Variants in L3MBTL4 observed in about 807,000 individuals in gnomAD.
L3MBTL4 encodes the protein lethal(3)malignant brain tumor-like protein 4.
A neutral mutation model predicts 84.5 loss-of-function variants in L3MBTL4; 70 were observed. The observed-to-expected ratio is 0.83, with a 90% CI of 0.68 to 1.01. The LOEUF is 1.01. L3MBTL4 is among the 50% of genes least tolerant of loss of function. L3MBTL4 has a pLI of 0.00. For synonymous variants in L3MBTL4, 274 were observed against 259.8 expected (o/e 1.05, Z -0.52); for missense variants, 715 against 754.8 (o/e 0.95, Z 0.62).
At chr18:6,105,267 G>A (rs1187594883) in intron 14 of L3MBTL4, among the ~76,000 whole-genome samples, 6 of 143,174 alleles carry the variant, frequency 4.2e-5, no homozygotes, top group African/African-American at 7.8e-5. Context: ...CTCAGCTCAC[G>A]GCAACCTCCG....
At chr18:6,312,728 G>A (rs74494109) in intron 1 of L3MBTL4, among the ~76,000 whole-genome samples, 188 of 152,132 alleles carry the variant, frequency 1.2e-3, no homozygotes, top group African/African-American at 4.1e-3. Context: ...ATATCACACC[G>A]TACATATTGT....
At chr18:6,242,601 G>C (rs2047497420) in intron 7 of L3MBTL4, among the ~76,000 whole-genome samples, 1 of 152,150 alleles carries the variant, frequency 6.6e-6, no homozygotes, top group South Asian at 2.1e-4. Context: ...ACCCTGAGTG[G>C]ATAACTAGGA....
intron 4 of L3MBTL4, among the ~76,000 whole-genome samples, chr18:6,279,025 G>A (rs2049209752): frequency 6.6e-6 from 1 of 152,096 alleles, no homozygotes; most frequent in Non-Finnish European, 1.5e-5. Context: ...TTGGGGGCAG[G>A]GGCGGTGATT....
At chr18:5,974,045 G>A (rs1049859674) in intron 16 of L3MBTL4, among the ~76,000 whole-genome samples, 3 of 152,182 alleles carry the variant, frequency 2.0e-5, no homozygotes, top group Non-Finnish European at 2.9e-5. Context: ...ATGTCCTTAC[G>A]TGTAGGATGC....
rs1328393109 is a variant in L3MBTL4, at chr18:6,213,203, G to A, written c.927C>T (p.Asn309=). ...TCGTAGCAACACGAATTAACCTGGGGTTCCGTTTATCCACAACTTCAAGTT... is the reference window on the plus strand; with the variant it reads ...TCGTAGCAACACGAATTAACCTGGGATTCCGTTTATCCACAACTTCAAGTT... ...NMKLEVVDKR[N]PRLIRVATIV... is the part of the protein sequence containing the mutation. The change falls in exon 12 of 19, where the codon AAC becomes AAT. Residue 309 remains asparagine (N), a synonymous_variant. Coordinates refer to ENST00000317931, the MANE Select transcript of L3MBTL4 (RefSeq NM_001330559.2). 1.2e-6 allele frequency: 2 copies of A among 1,611,520 alleles called. No individual in the cohort carries two copies. The highest frequency in any genetic ancestry group is 1.7e-4 in the Middle Eastern group (1 of 6,048).
intron 3 of L3MBTL4, among the ~76,000 whole-genome samples, chr18:6,303,483 T>G (rs2146852938): frequency 6.6e-6 from 1 of 152,362 alleles, no homozygotes; most frequent in Admixed American, 6.5e-5. Context: ...TGTGAAAATT[T>G]AGCAGCTGAT....
rs540845016 is a variant in L3MBTL4, at chr18:6,053,338, G to C, written c.1444+27543C>G. Among the ~76,000 whole-genome samples, 3 of 152,316 alleles carry C rather than the reference G, an allele frequency of 2.0e-5. No individual in the cohort carries two copies. The South Asian group carries it at 6.2e-4, about 32-fold the overall frequency. ...TTAGACTAAGAGGATGCGAAAATAAGTGAAGATTTCCTGCTTATAAGAATG... is the reference window on the plus strand; with the variant it reads ...TTAGACTAAGAGGATGCGAAAATAACTGAAGATTTCCTGCTTATAAGAATG... On this transcript the variant is annotated intron_variant, in intron 16 of 18. Coordinates refer to ENST00000317931, the MANE Select transcript of L3MBTL4 (RefSeq NM_001330559.2).
At chr18:6,184,449 CCAAA>C (rs761761563) in intron 12 of L3MBTL4, among the ~76,000 whole-genome samples, 2 of 152,122 alleles carry the variant, frequency 1.3e-5, no homozygotes, top group Admixed American at 6.5e-5. Context: ...ATAAACACTA[CCAAA>C]CAAATACGTC....
intron 17 of L3MBTL4, 98 bp downstream of exon 17, chr18:5,969,295 C>A: frequency 7.5e-7 from 1 of 1,331,350 alleles, no homozygotes. Context: ...AGAAAAAGGG[C>A]GCTGTCCCAG....
chr18:6,048,018 C>T (rs2056694237), intron 16 of L3MBTL4, among the ~76,000 whole-genome samples: 2 of 152,270 alleles, frequency 1.3e-5, no homozygotes, highest in South Asian at 4.2e-4. Flanking sequence ...AAAGACTCTA[C>T]CAAAAGCCTC....
chr18:6,108,090 A>T (rs1022457197), intron 14 of L3MBTL4, among the ~76,000 whole-genome samples: 1 of 152,146 alleles, frequency 6.6e-6, no homozygotes, highest in Non-Finnish European at 1.5e-5. Flanking sequence ...TAATTTGAGC[A>T]AGGAGACTCT....
intron 16 of L3MBTL4, among the ~76,000 whole-genome samples, chr18:6,064,771 A>G (rs1436201259): frequency 6.6e-6 from 1 of 151,854 alleles, no homozygotes; most frequent in Admixed American, 6.6e-5. Flanking sequence ...GGGTTTTCTA[A>G]GCATATTATC....
At chr18:6,019,901 A>G (rs989641754) in intron 16 of L3MBTL4, among the ~76,000 whole-genome samples, 1 of 152,152 alleles carries the variant, frequency 6.6e-6, no homozygotes, top group Non-Finnish European at 1.5e-5. Context: ...TCTTTCTTTA[A>G]AAGTTTGTGT....
chr18:6,256,728 C>A (rs1212340021), intron 5 of L3MBTL4: 2 of 152,200 alleles, frequency 1.3e-5, no homozygotes, highest in Admixed American at 6.5e-5. Flanking sequence ...AGGCTGGGAA[C>A]AACGTGACCC....
intron 13 of L3MBTL4, among the ~76,000 whole-genome samples, chr18:6,170,603 A>G (rs2043921590): frequency 6.6e-6 from 1 of 152,104 alleles, no homozygotes; most frequent in South Asian, 2.1e-4. Context: ...TAGAGTGACA[A>G]AGGAGCAGAC....
intron 1 of L3MBTL4, among the ~76,000 whole-genome samples, chr18:6,343,421 T>C (rs749622908): frequency 2.6e-5 from 4 of 152,116 alleles, no homozygotes; most frequent in Non-Finnish European, 5.9e-5. Context: ...CCCAGCACTC[T>C]GGGAGGCCGA....
Position 6,160,188 on chromosome 18 carries a change from G to A in L3MBTL4, c.1096+11640C>T, listed in dbSNP as rs867695815. Among the ~76,000 whole-genome samples, 10 of 152,320 alleles carry A rather than the reference G, an allele frequency of 6.6e-5. No homozygotes were observed. The South Asian group carries it at 1.9e-3, about 28-fold the overall frequency. ...AGAGGTTCCACAGAGTGAGGAGCAAGGGTGAAAATACAAAGACCCCACCCT... is the reference window on the plus strand; with the variant it reads ...AGAGGTTCCACAGAGTGAGGAGCAAAGGTGAAAATACAAAGACCCCACCCT... On this transcript the variant is annotated intron_variant, in intron 13 of 18. Coordinates refer to ENST00000317931, the MANE Select transcript of L3MBTL4 (RefSeq NM_001330559.2).
intron 16 of L3MBTL4, among the ~76,000 whole-genome samples, chr18:5,985,458 T>G (rs945714354): frequency 1.3e-5 from 2 of 152,106 alleles, no homozygotes; most frequent in African/African-American, 2.4e-5. Context: ...GCTTACTACA[T>G]GCCAGGCACT....
intron 14 of L3MBTL4, among the ~76,000 whole-genome samples, chr18:6,115,879 C>T (rs1184703146): frequency 6.6e-6 from 1 of 152,132 alleles, no homozygotes; most frequent in Non-Finnish European, 1.5e-5. Flanking sequence ...ATACAGATGC[C>T]CTGGGAGGTG....
Sources: gnomAD v4.1 joint callset for allele counts (sites outside exome capture counted in the v4.1 genomes callset) on GRCh38, gnomAD v4.1.1 for gene constraint, MANE v1.5 for transcripts, NCBI Gene and HGNC (gene_info 2026-07-23, HGNC 2026-07-21) for gene names.